LNX1: variants seen among roughly 807,000 people sequenced by gnomAD.
LNX1 encodes E3 ubiquitin-protein ligase LNX.
Under a neutral mutation model 68.4 loss-of-function variants are expected in LNX1, and 54 were observed. That is an observed-to-expected ratio of 0.79 (90% confidence interval 0.63 to 0.99). The LOEUF is 0.99. Among genes scored for constraint, LNX1 ranks in the 50% least tolerant of loss-of-function variants. The probability of loss-of-function intolerance (pLI) is 0.00; values close to 1 mark genes in which losing one functional copy is unlikely to be tolerated. For synonymous variants in LNX1, 336 were observed against 350.0 expected (o/e 0.96, Z 0.45); for missense variants, 906 against 926.4 (o/e 0.98, Z 0.29).
At chr4:53,605,259 AGAT>A (rs1185071013) in intron 2 of LNX1, among the ~76,000 whole-genome samples, 1 of 152,260 alleles carries the variant, frequency 6.6e-6, no homozygotes, top group African/African-American at 2.4e-5. Flanking sequence ...CTACTGCAAC[AGAT>A]GATTAAAATA....
At chr4:53,537,575 T>C (rs181415944) in intron 2 of LNX1, among the ~76,000 whole-genome samples, 65 of 152,242 alleles carry the variant, frequency 4.3e-4, no homozygotes, top group African/African-American at 1.5e-3. Context: ...TTTCTCACTC[T>C]TTCCATCTCT....
intron 2 of LNX1, among the ~76,000 whole-genome samples, chr4:53,530,705 C>T (rs1002035715): frequency 1.3e-5 from 2 of 151,902 alleles, no homozygotes; most frequent in Non-Finnish European, 2.9e-5. Context: ...AGTAAATGTC[C>T]CTATGTCTAG....
intron 9 of LNX1, among the ~76,000 whole-genome samples, chr4:53,464,519 TCA>T (rs1438259591): frequency 6.7e-6 from 1 of 149,148 alleles, no homozygotes; most frequent in Non-Finnish European, 1.5e-5. Flanking sequence ...ATATGGACAA[TCA>T]GTGTTATAAA....
At chr4:53,490,925 T>C (rs1463199816) in intron 6 of LNX1, among the ~76,000 whole-genome samples, 3 of 152,252 alleles carry the variant, frequency 2.0e-5, no homozygotes, top group Non-Finnish European at 2.9e-5. Context: ...CCATTTTTTT[T>C]TAAAAGGTTT....
upstream of LNX1, among the ~76,000 whole-genome samples, chr4:53,618,348 G>C (rs1185583452): frequency 7.2e-5 from 11 of 152,256 alleles, no homozygotes; most frequent in African/African-American, 2.6e-4. Flanking sequence ...CAGATGACTT[G>C]CTGTGTAGTC....
chr4:53,631,699 T>C (rs978917833), intron 1 of LNX1, among the ~76,000 whole-genome samples: 1 of 145,292 alleles, frequency 6.9e-6, no homozygotes, highest in African/African-American at 2.4e-5. Flanking sequence ...AGCATGGATA[T>C]ATTTTTTTAA....
At chr4:53,591,731 T>C, upstream of LNX1, 1 of 252,222 alleles carries the variant, frequency 4.0e-6, no homozygotes, top group Non-Finnish European at 6.3e-6. Context: ...GAATTTACTT[T>C]CTTTCCTGAG....
intron 1 of LNX1, chr4:53,579,358 C>T (rs1731687651): frequency 2.9e-5 from 22 of 752,128 alleles, no homozygotes; most frequent in Non-Finnish European, 3.6e-5. Context: ...GGACAGAAAC[C>T]AGAGGTGATT....
chr4:53,605,132 C>T (rs1386357135), intron 2 of LNX1, among the ~76,000 whole-genome samples: 2 of 152,026 alleles, frequency 1.3e-5, no homozygotes, highest in Non-Finnish European at 2.9e-5. Flanking sequence ...AAGGCCCACC[C>T]AGATGAAAAG....
chr4:53,538,196 G>A (rs554368535), intron 2 of LNX1, among the ~76,000 whole-genome samples: 1 of 152,316 alleles, frequency 6.6e-6, no homozygotes, highest in South Asian at 2.1e-4. Flanking sequence ...CTTGAAGGAT[G>A]GGCATGTGGA....
At chr4:53,570,962 G>C (rs1262041993) in intron 2 of LNX1, among the ~76,000 whole-genome samples, 1 of 151,728 alleles carries the variant, frequency 6.6e-6, no homozygotes. Flanking sequence ...GGGAGGCCGA[G>C]CTTGTGGTGA....
chr4:53,547,655 A>G (rs1187387501), intron 2 of LNX1, among the ~76,000 whole-genome samples: 3 of 152,180 alleles, frequency 2.0e-5, no homozygotes, highest in Non-Finnish European at 2.9e-5. Context: ...TCACAGGTAC[A>G]TTCTTGGCTC....
intron 1 of LNX1, among the ~76,000 whole-genome samples, chr4:53,631,173 G>A (rs1362720233): frequency 1.3e-5 from 2 of 152,170 alleles, no homozygotes; most frequent in African/African-American, 2.4e-5. Context: ...GTACCCAGGG[G>A]GAGACAGTTT....
At chr4:53,552,386 C>A (rs1729572850) in intron 2 of LNX1, among the ~76,000 whole-genome samples, 2 of 152,224 alleles carry the variant, frequency 1.3e-5, no homozygotes, top group East Asian at 3.9e-4. Flanking sequence ...ATGATAGGAA[C>A]TAAAAGTTTT....
intron 2 of LNX1, among the ~76,000 whole-genome samples, chr4:53,597,449 C>T (rs1732801654): frequency 6.6e-6 from 1 of 152,186 alleles, no homozygotes; most frequent in Non-Finnish European, 1.5e-5. Context: ...GGGTGCACTC[C>T]CCTCACCCCC....
At chr4:53,531,091 G>C (rs1167199812) in intron 2 of LNX1, among the ~76,000 whole-genome samples, 1 of 152,170 alleles carries the variant, frequency 6.6e-6, no homozygotes, top group East Asian at 1.9e-4. Flanking sequence ...CTTGAGCCTG[G>C]GGAGGCAGAG....
rs140581525 is a variant in LNX1 at position 53,530,207 on chromosome 4, G to T, written c.381-21980C>A. ...CTCTACTTTCCCAAACATTCGTTAA[G>T]ATTATTTTTAAGTAACGTTTTAAAA... On this transcript the variant is annotated intron_variant, in intron 2 of 10. Transcript: ENST00000263925. Among the ~76,000 whole-genome samples, 371 of 152,246 alleles carry T rather than the reference G, an allele frequency of 2.4e-3. 1 individual carries two copies. The highest frequency in any genetic ancestry group is 0.014 in the Middle Eastern group (4 of 294).
chr4:53,461,753 T>G (rs755383217), intron 9 of LNX1, among the ~76,000 whole-genome samples, 160 bp from the exon 10 acceptor site: 15 of 152,146 alleles, frequency 9.9e-5, no homozygotes, highest in Non-Finnish European at 2.2e-4. Context: ...GTGACCTTTG[T>G]GCTGTTAGCT....
chr4:53,574,147 T>C (rs1731343059), intron 1 of LNX1, 59 bp from the exon 2 acceptor site: 3 of 1,261,470 alleles, frequency 2.4e-6, no homozygotes, highest in Middle Eastern at 2.8e-4. Flanking sequence ...CTTATGCTTA[T>C]GGTAGACATG....
Sources: allele counts gnomAD v4.1 joint callset (sites outside exome capture counted in the v4.1 genomes callset), GRCh38; gene constraint gnomAD v4.1.1; transcripts MANE v1.5; gene names NCBI Gene and HGNC (gene_info 2026-07-23, HGNC 2026-07-21).